The following PHACTR2 variants were observed in gnomAD, a reference collection of about 807,000 sequenced individuals.
The protein encoded by PHACTR2 is chromosome 6 open reading frame 56.
Under a neutral mutation model 76.0 loss-of-function variants are expected in PHACTR2, and 30 were observed. The observed-to-expected ratio is 0.39, with a 90% CI of 0.30 to 0.54. The LOEUF (loss-of-function observed/expected upper bound fraction) is 0.54. Ranked by LOEUF, PHACTR2 falls within the 20% of genes least tolerant of loss-of-function variation. The pLI is 0.61. For missense variants in PHACTR2, 696 were observed against 781.1 expected (o/e 0.89, Z 1.30); for synonymous variants, 292 against 292.5 (o/e 1.00, Z 0.02).
In PHACTR2 at chr6:143,794,995, C is replaced by T. The variant is rs1775793301; in HGVS notation, c.1845+6085C>T. On this transcript the variant is annotated intron_variant, in intron 11 of 12. Transcript: ENST00000440869. This position sits in a 1 kb window ranked among gnomAD's most constrained non-coding sequence, Gnocchi z 4.1. The stretch of plus-strand genomic sequence containing the variant: ...TTTCTGTGAAGGAGGAAGGCCCTTG[C>T]TGGTTGTGGTGGGGAATCTCCGGAA... Among the ~76,000 whole-genome samples the T allele has an allele frequency of 6.6e-6, 1 of 152,106 alleles. No individual in the cohort carries two copies. Among genetic ancestry groups the T allele is most frequent in the Non-Finnish European group, 1.5e-5 (1 of 68,030 alleles).
intron 2 of PHACTR2, among the ~76,000 whole-genome samples, chr6:143,736,887 AATCATCCTAAC>A (rs1301140789): frequency 6.6e-5 from 10 of 151,662 alleles, no homozygotes; most frequent in African/African-American, 2.4e-4. Context: ...AAGATATTTT[AATCATCCTAAC>A]GTCTATTCAT....
Position 143,783,017 on chromosome 6 carries a change from G to GTGTT in PHACTR2, c.1646-199_1646-198insTTGT, listed in dbSNP as rs770783566. Among the ~76,000 whole-genome samples, 1 of 151,238 alleles carries GTGTT rather than the reference G, an allele frequency of 6.6e-6. No homozygotes were observed. Among genetic ancestry groups the GTGTT allele is most frequent in the Admixed American group, 6.6e-5 (1 of 15,164 alleles). ...CTACAAAAAAAGCATGTGTGTGTGTGTGTGTGTGTGTGTGTGTGTATGTGT... is the reference window on the plus strand; with the variant it reads ...CTACAAAAAAAGCATGTGTGTGTGTGTGTTTGTGTGTGTGTGTGTGTGTATGTGT... On this transcript the variant is annotated intron_variant, in intron 9 of 12. Transcript: ENST00000440869. This position sits in a 1 kb window ranked among gnomAD's most constrained non-coding sequence, Gnocchi z 5.2.
Position 143,610,786 on chromosome 6 carries a change from A to C in PHACTR2, c.13+2464A>C, listed in dbSNP as rs1775963118. On this transcript the variant is annotated intron_variant, in intron 1 of 11. Coordinates refer to the PHACTR2 transcript ENST00000305766. This position sits in a 1 kb window ranked among gnomAD's most constrained non-coding sequence, Gnocchi z 4.9. ...AGAGAAGGAGACATCCCTTCCCCAT[A>C]ATTGCTGGCTTCTGTATTCCTTTAA... Among the ~76,000 whole-genome samples the C allele has an allele frequency of 6.6e-6, 1 of 152,130 alleles. No individual in the cohort carries two copies.
intron 4 of PHACTR2, among the ~76,000 whole-genome samples, chr6:143,759,688 A>G (rs1582849327): frequency 1.3e-5 from 2 of 151,940 alleles, no homozygotes; most frequent in African/African-American, 2.4e-5. Flanking sequence ...ACAAAAAAAA[A>G]AAAAGAAAAG....
chr6:143,798,249 G>A (rs770320412), intron 11 of PHACTR2, among the ~76,000 whole-genome samples: 7 of 152,174 alleles, frequency 4.6e-5, no homozygotes, highest in Admixed American at 3.9e-4. Context: ...CATTGATTTT[G>A]TATCCTGAGA....
rs771980750 is a variant in PHACTR2, at chr6:143,784,020, G to A, written c.1707+740G>A. The stretch of plus-strand genomic sequence containing the variant: ...AAAGAATTAATTGAAAATTAATCTC[G>A]CTTGATTAGAACAATGAAAAAAAAA... On this transcript the variant is annotated intron_variant, in intron 10 of 12. Coordinates refer to ENST00000440869, the MANE Select transcript of PHACTR2 (RefSeq NM_001100164.2). This position sits in a 1 kb window ranked among gnomAD's most constrained non-coding sequence, Gnocchi z 4.5. 2.4e-4 allele frequency among the ~76,000 whole-genome samples: 33 copies of A among 139,274 alleles called. No individual in the cohort carries two copies. Among genetic ancestry groups the A allele is most frequent in the Non-Finnish European group, 4.1e-4 (27 of 65,590 alleles). 91.4% of individuals were successfully genotyped at this position (139,274 alleles called of 152,430 possible). A position where few individuals can be genotyped will look rare whatever the true frequency, so the allele number is the denominator to read the frequency against.
chr6:143,712,776 G>T (rs1044908763), intron 2 of PHACTR2, among the ~76,000 whole-genome samples: 2 of 152,130 alleles, frequency 1.3e-5, no homozygotes, highest in Non-Finnish European at 2.9e-5. Context: ...ACAAATAAAT[G>T]GTCTCTGTCT....
rs1335218172 is a variant in PHACTR2 at position 143,747,000 on chromosome 6, C to T, written c.215-1985C>T. On this transcript the variant is annotated intron_variant, in intron 2 of 12. Coordinates refer to ENST00000440869, the MANE Select transcript of PHACTR2 (RefSeq NM_001100164.2). ...TTCTGTGTATGTCTCCTTTTTAACC[C>T]AAAGCTGTTCGTTGTCATTCTTTTG... Among the ~76,000 whole-genome samples the T allele has an allele frequency of 2.0e-5, 3 of 152,124 alleles. No homozygotes were observed. In the East Asian group the frequency reaches 5.8e-4, roughly 29 times the overall value.
rs1309498758 is a variant in PHACTR2, at chr6:143,543,891, A to C, written c.217+6684A>C. 2.6e-5 allele frequency among the ~76,000 whole-genome samples: 4 copies of C among 152,224 alleles called. No homozygotes were observed. The highest frequency in any genetic ancestry group is 5.9e-5 in the Non-Finnish European group (4 of 68,048). On this transcript the variant is annotated intron_variant, in intron 1 of 11. Coordinates refer to the PHACTR2 transcript ENST00000367584. The surrounding 1 kb of genome is among the most constrained non-coding windows in gnomAD (Gnocchi z 4.7). Reference sequence around the variant, plus strand: ...GAAAGACAGAGACAATGGTAGAAAGAGCACAGACAACTGAGATTGGGACTG... The same window carrying C: ...GAAAGACAGAGACAATGGTAGAAAGCGCACAGACAACTGAGATTGGGACTG...
At chr6:143,703,240 G>A (rs1777959110) in intron 1 of PHACTR2, among the ~76,000 whole-genome samples, 1 of 151,832 alleles carries the variant, frequency 6.6e-6, no homozygotes, top group South Asian at 2.1e-4. Flanking sequence ...GGGAATAGAG[G>A]TGAGAGGGTG....
chr6:143,741,900 G>A (rs146958544), intron 2 of PHACTR2, among the ~76,000 whole-genome samples: 376 of 151,926 alleles, frequency 2.5e-3, no homozygotes, highest in African/African-American at 8.0e-3. Flanking sequence ...TCAGGAGTTC[G>A]AGACCAGCCT....
chr6:143,608,051 AG>A, upstream of PHACTR2: 1 of 535,518 alleles, frequency 1.9e-6, no homozygotes, highest in South Asian at 2.5e-5. The surrounding 1 kb of genome is among the most constrained non-coding windows in gnomAD (Gnocchi z 4.6). Context: ...CTTAGAGCAG[AG>A]GTGGAAACCC....
chr6:143,665,771 C>A (rs1582749749), intron 1 of PHACTR2, among the ~76,000 whole-genome samples: 2 of 152,178 alleles, frequency 1.3e-5, no homozygotes, highest in South Asian at 4.1e-4. Flanking sequence ...TACTCAGAAG[C>A]CACAGTGATT....
At position 143,828,129 on chromosome 6, in the gene PHACTR2, G is replaced by C. The variant is rs1178448723; in HGVS notation, c.*4440G>C. The stretch of plus-strand genomic sequence containing the variant: ...CGTGCCACTCCACTCCAGCCTGGGA[G>C]ACAGAGCAAGACTCCATCTCAAAAT... On this transcript the variant is annotated 3_prime_UTR_variant, in exon 13 of 13. Coordinates refer to ENST00000440869, the MANE Select transcript of PHACTR2 (RefSeq NM_001100164.2). The surrounding 1 kb of genome is among the most constrained non-coding windows in gnomAD (Gnocchi z 4.7). The C allele has an allele frequency of 6.6e-6, 1 of 152,090 alleles. No homozygotes were observed. The highest frequency in any genetic ancestry group is 1.5e-5 in the Non-Finnish European group (1 of 68,016). 9.4% of individuals were successfully genotyped at this position (152,090 alleles called of 1,614,324 possible). A position where few individuals can be genotyped will look rare whatever the true frequency, so the allele number is the denominator to read the frequency against.
At chr6:143,691,301 T>G (rs1777637873) in intron 1 of PHACTR2, among the ~76,000 whole-genome samples, 2 of 151,786 alleles carry the variant, frequency 1.3e-5, no homozygotes, top group African/African-American at 4.8e-5. Context: ...AAAAAAAAAT[T>G]CTCATTTGAA....
intron 1 of PHACTR2, among the ~76,000 whole-genome samples, chr6:143,568,788 G>C (rs1156360256): frequency 1.3e-5 from 2 of 152,200 alleles, no homozygotes; most frequent in Non-Finnish European, 2.9e-5. Flanking sequence ...GAGTATGATA[G>C]ATCTATGTTG....
intron 2 of PHACTR2, among the ~76,000 whole-genome samples, chr6:143,715,332 C>T (rs950106195): frequency 1.3e-5 from 2 of 152,132 alleles, no homozygotes; most frequent in African/African-American, 4.8e-5. Context: ...TCTCATCACC[C>T]CTAACCCCCA....
rs1260175598 is a variant in PHACTR2 at position 143,547,949 on chromosome 6, TAATC to T, written c.217+10743_217+10746del. 1.3e-5 allele frequency among the ~76,000 whole-genome samples: 2 copies of T among 152,352 alleles called. No homozygotes were observed. Among genetic ancestry groups the T allele is most frequent in the African/African-American group, 2.4e-5 (1 of 41,580 alleles). On this transcript the variant is annotated intron_variant, in intron 1 of 11. Transcript: ENST00000367584. The surrounding 1 kb of genome is among the most constrained non-coding windows in gnomAD (Gnocchi z 4.2). ...TATCCATTCATCATCCATCATCTAT[TAATC>T]TATCTATCTTCATCATCATCATCAT...
rs1192427304 is a variant in PHACTR2, at chr6:143,767,302, G to A, written c.1232+1504G>A. Among the ~76,000 whole-genome samples the A allele has an allele frequency of 6.6e-6, 1 of 152,102 alleles. No homozygotes were observed. Among genetic ancestry groups the A allele is most frequent in the African/African-American group, 2.4e-5 (1 of 41,390 alleles). On this transcript the variant is annotated intron_variant, in intron 6 of 12. Transcript: ENST00000440869. This position sits in a 1 kb window ranked among gnomAD's most constrained non-coding sequence, Gnocchi z 4.4. ...GCATACCCAATTCCATGCTCTGAAT[G>A]AATAATTTCATGTTTTCCAAAGCAG...
Sources: allele counts gnomAD v4.1 joint callset (sites outside exome capture counted in the v4.1 genomes callset), GRCh38; gene constraint gnomAD v4.1.1; non-coding constraint Gnocchi (gnomAD v3.1); transcripts MANE v1.5; gene names NCBI Gene and HGNC (gene_info 2026-07-23, HGNC 2026-07-21).